The following ATRNL1 variants were observed in gnomAD, a reference collection of about 807,000 sequenced individuals.
ATRNL1 encodes attractin-like protein 1.
Under a neutral mutation model 182.7 loss-of-function variants are expected in ATRNL1, and 95 were observed. The observed-to-expected ratio is 0.52, with a 90% CI of 0.44 to 0.62. The LOEUF is 0.62. Among genes scored for constraint, ATRNL1 ranks in the 20% least tolerant of loss-of-function variants. The pLI, the probability that ATRNL1 is intolerant of heterozygous loss-of-function variation, is 0.00. For synonymous variants in ATRNL1, 576 were observed against 568.3 expected (o/e 1.01, Z -0.19); for missense variants, 1,471 against 1,679.5 (o/e 0.88, Z 2.17).
At chr10:115,434,599 C>T (rs1270147458) in intron 21 of ATRNL1, among the ~76,000 whole-genome samples, 5 of 152,058 alleles carry the variant, frequency 3.3e-5, no homozygotes, top group African/African-American at 4.8e-5. Flanking sequence ...ATTAAAAAAT[C>T]ATATGCCATT....
intron 26 of ATRNL1, among the ~76,000 whole-genome samples, chr10:115,651,394 A>AT (rs1383603140): frequency 1.3e-5 from 2 of 152,176 alleles, no homozygotes; most frequent in Non-Finnish European, 2.9e-5. Flanking sequence ...TTAAAAAGAA[A>AT]TACTAATATC....
At chr10:115,362,477 C>T (rs1361452626) in intron 19 of ATRNL1, among the ~76,000 whole-genome samples, 4 of 150,700 alleles carry the variant, frequency 2.7e-5, no homozygotes, top group African/African-American at 9.8e-5. Flanking sequence ...GTTATGAGAA[C>T]ATTTAAAATC....
chr10:115,629,933 G>C (rs534746171), intron 26 of ATRNL1, among the ~76,000 whole-genome samples: 1 of 152,092 alleles, frequency 6.6e-6, no homozygotes, highest in Non-Finnish European at 1.5e-5. Flanking sequence ...GTAGTAGTTA[G>C]CTAATAAGAA....
intron 26 of ATRNL1, among the ~76,000 whole-genome samples, chr10:115,676,604 G>A (rs1555043119): frequency 6.6e-6 from 1 of 151,212 alleles, no homozygotes; most frequent in Non-Finnish European, 1.5e-5. Context: ...ATATATTTAT[G>A]ATTCAGTAAG....
intron 18 of ATRNL1, among the ~76,000 whole-genome samples, chr10:115,325,417 T>C (rs1306202172): frequency 6.6e-6 from 1 of 152,236 alleles, no homozygotes; most frequent in African/African-American, 2.4e-5. Context: ...TGTTATTTGA[T>C]ACAGCCATTA....
chr10:115,643,644 A>G (rs1403210854), intron 26 of ATRNL1, among the ~76,000 whole-genome samples: 10 of 152,204 alleles, frequency 6.6e-5, no homozygotes, highest in African/African-American at 2.4e-4. Context: ...TTGAGTAGAC[A>G]CTTTAACAAA....
At chr10:115,675,001 C>T (rs1945816394) in intron 26 of ATRNL1, among the ~76,000 whole-genome samples, 1 of 152,116 alleles carries the variant, frequency 6.6e-6, no homozygotes, top group African/African-American at 2.4e-5. Context: ...TCTTTTAACT[C>T]TGTCTCCACT....
chr10:115,699,093 A>G (rs188310852), intron 26 of ATRNL1, among the ~76,000 whole-genome samples: 104 of 152,300 alleles, frequency 6.8e-4, no homozygotes, highest in Non-Finnish European at 1.1e-3. Context: ...GTAAAGTTTT[A>G]TAAAGCTTTG....
At chr10:115,557,797 G>A (rs2246089) in intron 26 of ATRNL1, among the ~76,000 whole-genome samples, 44,998 of 151,876 alleles carry the variant, frequency 0.3, 7,812 homozygotes, top group East Asian at 0.68. Flanking sequence ...CTGTAATCCC[G>A]ACACTTTGAG....
intron 28 of ATRNL1, among the ~76,000 whole-genome samples, chr10:115,868,407 T>C (rs1186059551): frequency 6.6e-6 from 1 of 152,132 alleles, no homozygotes; most frequent in African/African-American, 2.4e-5. Flanking sequence ...TGCACTCTCA[T>C]TTTCTCCAAC....
At chr10:115,873,033 A>G (rs1418939448) in intron 28 of ATRNL1, among the ~76,000 whole-genome samples, 3 of 152,194 alleles carry the variant, frequency 2.0e-5, no homozygotes, top group African/African-American at 4.8e-5. Flanking sequence ...TGTTTTCCTC[A>G]TAGTAAGGTA....
chr10:115,500,157 G>A (rs988220556), intron 24 of ATRNL1, among the ~76,000 whole-genome samples: 1 of 152,092 alleles, frequency 6.6e-6, no homozygotes, highest in African/African-American at 2.4e-5. Flanking sequence ...TCCATCAGTA[G>A]GCATGTATGA....
chr10:115,438,565 T>G (rs1289271464), intron 21 of ATRNL1, among the ~76,000 whole-genome samples: 10 of 152,072 alleles, frequency 6.6e-5, no homozygotes, highest in Admixed American at 6.6e-4. Flanking sequence ...TTTCTCTTTA[T>G]ATATTTTTGC....
At chr10:115,449,779 G>A (rs557807430) in intron 21 of ATRNL1, among the ~76,000 whole-genome samples, 1 of 152,248 alleles carries the variant, frequency 6.6e-6, no homozygotes, top group South Asian at 2.1e-4. Flanking sequence ...TGAAGGGTCA[G>A]GGAAAATGTT....
intron 28 of ATRNL1, among the ~76,000 whole-genome samples, chr10:115,917,392 C>T (rs1555117587): frequency 2.0e-5 from 3 of 150,108 alleles, no homozygotes; most frequent in African/African-American, 7.3e-5. Context: ...ATGGCGTGAA[C>T]CCAGGAGGCA....
At chr10:115,810,842 G>A (rs952214292) in intron 27 of ATRNL1, among the ~76,000 whole-genome samples, 2 of 151,690 alleles carry the variant, frequency 1.3e-5, no homozygotes, top group Non-Finnish European at 3.0e-5. Flanking sequence ...AGGAACTATA[G>A]TGATGTCTTC....
At chr10:115,643,565 A>T (rs534974035) in intron 26 of ATRNL1, among the ~76,000 whole-genome samples, 9 of 152,300 alleles carry the variant, frequency 5.9e-5, no homozygotes, top group African/African-American at 2.2e-4. Context: ...ACTTGAATCT[A>T]AAATATATAA....
intron 9 of ATRNL1, among the ~76,000 whole-genome samples, chr10:115,229,709 G>T (rs1300484782): frequency 6.6e-6 from 1 of 151,972 alleles, no homozygotes; most frequent in East Asian, 1.9e-4. Flanking sequence ...TAAGAGATTT[G>T]GAATTTTGGA....
In ATRNL1 at chr10:115,856,322, G is replaced by A. The variant is rs181255242; in HGVS notation, c.4018+8331G>A. ...AGATGCCCGTAATCCCAGCTACTGG[G>A]GAGGCTGAGGCAGGAGAAACGCTTG... On this transcript the variant is annotated intron_variant, in intron 28 of 28. Transcript: ENST00000355044. Among the ~76,000 whole-genome samples, 96 of 150,754 alleles carry A rather than the reference G, an allele frequency of 6.4e-4. 1 individual carries two copies. The highest frequency in any genetic ancestry group is 2.3e-3 in the African/African-American group (95 of 41,062).
Sources: allele counts gnomAD v4.1 joint callset (sites outside exome capture counted in the v4.1 genomes callset), GRCh38; gene constraint gnomAD v4.1.1; transcripts MANE v1.5; gene names NCBI Gene and HGNC (gene_info 2026-07-23, HGNC 2026-07-21).